The following GSAP variants were observed in gnomAD, a reference collection of about 807,000 sequenced individuals.
The protein encoded by GSAP is gamma-secretase activating protein.
A neutral mutation model predicts 131.7 loss-of-function variants in GSAP; 118 were observed. The ratio of observed to expected loss-of-function variants is 0.90; its 90% CI spans 0.77 to 1.04. The LOEUF (loss-of-function observed/expected upper bound fraction) is 1.04, where lower values mean the gene tolerates loss of function less well. GSAP is among the 50% of genes least tolerant of loss of function. The probability of loss-of-function intolerance (pLI) is 0.00; values close to 1 mark genes in which losing one functional copy is unlikely to be tolerated. For synonymous variants in GSAP, 381 were observed against 363.4 expected (o/e 1.05, Z -0.55); for missense variants, 1,019 against 1,013.2 (o/e 1.01, Z -0.08).
intron 18 of GSAP, chr7:77,351,069 G>T: frequency 1.1e-6 from 1 of 928,236 alleles, no homozygotes; most frequent in Non-Finnish European, 1.3e-6. Context: ...AAATGACCGA[G>T]ATTTTACTGA....
intron 14 of GSAP, among the ~76,000 whole-genome samples, chr7:77,358,472 G>A (rs1264290024): frequency 6.6e-6 from 1 of 152,146 alleles, no homozygotes; most frequent in African/African-American, 2.4e-5. Flanking sequence ...CATAAGCAGA[G>A]GCTATACCTA....
chr7:77,318,949 G>T (rs578175252), intron 26 of GSAP, among the ~76,000 whole-genome samples: 1 of 151,686 alleles, frequency 6.6e-6, no homozygotes, highest in East Asian at 1.9e-4. Flanking sequence ...ATAGCATTAG[G>T]AGATGTACCT....
chr7:77,311,310 A>G lies in GSAP; in HGVS notation c.*48T>C, dbSNP rs1794314083. ...AAGAATTCTCAAAGGAGTAAGGTTAATGAGCAAGATTAAAATGGCAGCAGC... is the reference window on the plus strand; with the variant it reads ...AAGAATTCTCAAAGGAGTAAGGTTAGTGAGCAAGATTAAAATGGCAGCAGC... On this transcript the variant is annotated 3_prime_UTR_variant, in exon 31 of 31. Coordinates refer to ENST00000257626, the MANE Select transcript of GSAP (RefSeq NM_017439.4). 1.9e-6 allele frequency: 2 copies of G among 1,035,252 alleles called. No individual in the cohort carries two copies. Among genetic ancestry groups the G allele is most frequent in the South Asian group, 2.5e-5 (2 of 79,076 alleles). The allele number at this position is 1,035,252 out of a possible 1,614,324, so 64.1% of individuals were successfully genotyped here. A position where few individuals can be genotyped will look rare whatever the true frequency, so the allele number is the denominator to read the frequency against.
At chr7:77,355,787 GTTTT>G (rs11353263) in intron 14 of GSAP, 140 bp from the exon 15 acceptor site, 517 of 293,730 alleles carry the variant, frequency 1.8e-3, no homozygotes, top group East Asian at 4.1e-3. Flanking sequence ...ATGACAGCCC[GTTTT>G]TTTTTTTTTT....
chr7:77,369,714 T>C (rs1584536428), intron 12 of GSAP, among the ~76,000 whole-genome samples: 1 of 152,232 alleles, frequency 6.6e-6, no homozygotes, highest in African/African-American at 2.4e-5. Context: ...GAGTCACATT[T>C]AGATTATACT....
Position 77,330,254 on chromosome 7 carries a change from G to T in GSAP, c.1659C>A (p.Asn553Lys). The stretch of plus-strand genomic sequence containing the variant: ...CCACTCATACCTCTTCAGAGATCAG[G>T]TTGTGCCACTCTCTCCTGACCACAC... ...NNSVVRREWHNLISEEKTGKR... is the reference protein window; with the variant it reads ...NNSVVRREWHKLISEEKTGKR... Residue 553 changes from asparagine (N) to lysine (K), a missense_variant, in exon 20 of 31, where the codon AAC (asparagine) becomes AAA (lysine). Asn to Lys is a moderately conservative substitution (Grantham distance 94). Coordinates refer to ENST00000257626, the MANE Select transcript of GSAP (RefSeq NM_017439.4). 1.2e-6 allele frequency: 2 copies of T among 1,612,610 alleles called. No individual in the cohort carries two copies. Among genetic ancestry groups the T allele is most frequent in the Admixed American group, 1.7e-5 (1 of 59,820 alleles).
intron 18 of GSAP, among the ~76,000 whole-genome samples, chr7:77,351,877 G>C (rs938782427): frequency 1.3e-5 from 2 of 152,176 alleles, no homozygotes; most frequent in Non-Finnish European, 2.9e-5. Context: ...TGCATTTCCT[G>C]ACTCTGGGGT....
intron 6 of GSAP, among the ~76,000 whole-genome samples, chr7:77,386,400 G>T (rs1312843221): frequency 2.6e-5 from 4 of 152,086 alleles, no homozygotes; most frequent in Non-Finnish European, 5.9e-5. Context: ...CAGGATTATG[G>T]TGTTCAGGAT....
rs57095326 is a variant in GSAP, at chr7:77,414,844, CTTTTTTTTTTTTTTTTTTTT to C, written c.109+1349_109+1368del. 6.7e-5 allele frequency among the ~76,000 whole-genome samples: 4 copies of C among 59,876 alleles called. No homozygotes were observed. In the East Asian group the frequency reaches 2.1e-3, roughly 31 times the overall value. The allele number at this position is 59,876 out of a possible 152,430, so 39.3% of individuals were successfully genotyped here. ...AAAAACTTTTCAGACATGTGGGCGA[CTTTTTTTTTTTTTTTTTTTT>C]TTTTTTTTTTTGAGACGGAGACTTA... On this transcript the variant is annotated intron_variant, in intron 1 of 30. Coordinates refer to ENST00000257626, the MANE Select transcript of GSAP (RefSeq NM_017439.4).
chr7:77,393,092 A>G (rs1277179331), intron 5 of GSAP, among the ~76,000 whole-genome samples: 5 of 152,176 alleles, frequency 3.3e-5, no homozygotes, highest in Non-Finnish European at 2.9e-5. Context: ...ACTGCATTGT[A>G]AAGTATGTGG....
At chr7:77,397,721 G>A (rs976871061) in intron 3 of GSAP, among the ~76,000 whole-genome samples, 3 of 152,154 alleles carry the variant, frequency 2.0e-5, no homozygotes, top group Non-Finnish European at 4.4e-5. Flanking sequence ...TGCTAGCTGC[G>A]TGACCTTGGA....
intron 6 of GSAP, 125 bp from the exon 7 acceptor site, chr7:77,382,768 A>G (rs1797991180): frequency 1.7e-6 from 1 of 588,164 alleles, no homozygotes; most frequent in Non-Finnish European, 3.1e-6. Context: ...AGAAGAGTTT[A>G]GGGGAATCAC....
At chr7:77,411,910 G>A (rs1165309046) in intron 1 of GSAP, among the ~76,000 whole-genome samples, 2 of 152,192 alleles carry the variant, frequency 1.3e-5, no homozygotes, top group Non-Finnish European at 2.9e-5. Flanking sequence ...CGGGCATGGT[G>A]GCTCACAACT....
At chr7:77,400,038 C>A (rs1801063457) in intron 3 of GSAP, among the ~76,000 whole-genome samples, 1 of 152,184 alleles carries the variant, frequency 6.6e-6, no homozygotes, top group Admixed American at 6.5e-5. Flanking sequence ...AACTTTCTTA[C>A]TATAACCACC....
intron 12 of GSAP, among the ~76,000 whole-genome samples, chr7:77,366,944 C>A (rs371861704): frequency 6.6e-6 from 1 of 152,104 alleles, no homozygotes; most frequent in Admixed American, 6.6e-5. Flanking sequence ...CTTCCCCTCC[C>A]TGGTTAGCTG....
At chr7:77,316,490 C>T (rs951492296) in intron 26 of GSAP, among the ~76,000 whole-genome samples, 1 of 152,186 alleles carries the variant, frequency 6.6e-6, no homozygotes, top group African/African-American at 2.4e-5. Context: ...GATGAGTCCA[C>T]TAGCTTCCCT....
At position 77,329,269 on chromosome 7, in the gene GSAP, A is replaced by G. The variant is rs373879828; in HGVS notation, c.1733+64T>C. On this transcript the variant is annotated intron_variant, in intron 21 of 30. Coordinates refer to ENST00000257626, the MANE Select transcript of GSAP (RefSeq NM_017439.4). Reference sequence around the variant, plus strand: ...AAACTACTTCTATAAAAGGTAGCCAACAAAACAAAGTAATTGTAAATGTCA... The same window carrying G: ...AAACTACTTCTATAAAAGGTAGCCAGCAAAACAAAGTAATTGTAAATGTCA... The G allele has an allele frequency of 6.5e-6, 6 of 929,346 alleles. No individual in the cohort carries two copies. In the African/African-American group the frequency reaches 1.0e-4, roughly 16 times the overall value. The allele number at this position is 929,346 out of a possible 1,614,324, so 57.6% of individuals were successfully genotyped here.
At chr7:77,335,719 T>C (rs899990574) in intron 19 of GSAP, among the ~76,000 whole-genome samples, 2 of 152,130 alleles carry the variant, frequency 1.3e-5, no homozygotes, top group African/African-American at 4.8e-5. Flanking sequence ...TAAAAGGCAC[T>C]CTGGCTTTGG....
intron 5 of GSAP, among the ~76,000 whole-genome samples, chr7:77,389,660 C>A (rs1266682083): frequency 6.6e-6 from 1 of 152,122 alleles, no homozygotes; most frequent in Admixed American, 6.6e-5. Flanking sequence ...ATATGTGCCA[C>A]ATTTTCTTAA....
Sources: allele counts gnomAD v4.1 joint callset (sites outside exome capture counted in the v4.1 genomes callset), GRCh38; gene constraint gnomAD v4.1.1; transcripts MANE v1.5; gene names NCBI Gene and HGNC (gene_info 2026-07-23, HGNC 2026-07-21).